The following FOXN3 variants were observed in gnomAD, a reference collection of about 807,000 sequenced individuals.
The protein encoded by FOXN3 is forkhead box protein N3.
In FOXN3, 7 loss-of-function variants were observed where a neutral mutation model predicts 38.4. That is an observed-to-expected ratio of 0.18 (90% CI 0.10 to 0.34). FOXN3 has a LOEUF of 0.34. Among genes scored for constraint, FOXN3 ranks in the 10% least tolerant of loss-of-function variants. FOXN3 has a pLI of 1.00. For synonymous variants in FOXN3, 230 were observed against 242.2 expected (o/e 0.95, Z 0.47); for missense variants, 456 against 613.4 (o/e 0.74, Z 2.71).
intron 1 of FOXN3, among the ~76,000 whole-genome samples, chr14:89,546,026 GT>G (rs374215603): frequency 2.4e-4 from 36 of 152,280 alleles, no homozygotes; most frequent in African/African-American, 8.7e-4. Context: ...AGATGATTTT[GT>G]TTTTCACTGG....
At position 89,394,220 on chromosome 14, in the gene FOXN3, T is replaced by C. The variant is rs535508140; in HGVS notation, c.543+17714A>G. 7.4e-5 allele frequency among the ~76,000 whole-genome samples: 11 copies of C among 148,348 alleles called. 2 individuals carry two copies. The South Asian group carries it at 2.4e-3, about 32-fold the overall frequency. ...CAATGGGGATCGACGTTCTTTTTTT[T>C]TTTTTTTTTTTTTTGAGATGGAGTT... On this transcript the variant is annotated intron_variant, in intron 2 of 5. Transcript: ENST00000557258.
intron 3 of FOXN3, among the ~76,000 whole-genome samples, chr14:89,348,201 A>G (rs1888826232): frequency 6.6e-6 from 1 of 151,972 alleles, no homozygotes; most frequent in Non-Finnish European, 1.5e-5. Flanking sequence ...ATGAAAGCCA[A>G]GCACTTCCCA....
intron 2 of FOXN3, among the ~76,000 whole-genome samples, chr14:89,371,992 C>A (rs925803609): frequency 1.3e-5 from 2 of 152,210 alleles, no homozygotes; most frequent in African/African-American, 4.8e-5. Context: ...GCTAGTTTCT[C>A]GCATCCCTGC....
chr14:89,515,431 T>C (rs948950425), intron 1 of FOXN3, among the ~76,000 whole-genome samples: 2 of 152,180 alleles, frequency 1.3e-5, no homozygotes, highest in Admixed American at 6.5e-5. Flanking sequence ...CCAGTCAGAA[T>C]GTATTCAAAT....
chr14:89,233,187 A>G (rs1278782651), intron 4 of FOXN3, among the ~76,000 whole-genome samples: 1 of 152,242 alleles, frequency 6.6e-6, no homozygotes, highest in Non-Finnish European at 1.5e-5. Context: ...TGTATATGCA[A>G]TGCTGCGACC....
intron 1 of FOXN3, among the ~76,000 whole-genome samples, chr14:89,554,791 T>C (rs1169208942): frequency 1.4e-5 from 2 of 144,790 alleles, no homozygotes; most frequent in Non-Finnish European, 3.0e-5. Context: ...TCTTTTTTTT[T>C]TTTTTTTTTT....
chr14:89,468,903 T>C (rs548412767), intron 1 of FOXN3, among the ~76,000 whole-genome samples: 4 of 152,188 alleles, frequency 2.6e-5, no homozygotes, highest in Non-Finnish European at 5.9e-5. Context: ...CTGTGCATCA[T>C]ACATTTTGAG....
intron 1 of FOXN3, among the ~76,000 whole-genome samples, chr14:89,604,261 GCGCACA>G (rs1440637184): frequency 2.7e-5 from 4 of 147,868 alleles, no homozygotes; most frequent in Non-Finnish European, 6.0e-5. Context: ...ACACACGCGC[GCGCACA>G]CACACAGAGA....
intron 4 of FOXN3, among the ~76,000 whole-genome samples, chr14:89,260,889 A>G (rs1279525444): frequency 1.3e-5 from 2 of 152,268 alleles, no homozygotes; most frequent in African/African-American, 2.4e-5. Flanking sequence ...TGTAACCAAT[A>G]TATTTTTATT....
At position 89,304,944 on chromosome 14, in the gene FOXN3, TAA is replaced by T. The variant is rs200830937; in HGVS notation, c.681-23932_681-23931del. ...AAATCTGGAATACAGTGTAGTTTCT[TAA>T]AAAAAAAAAAAAAAAAAGTACCAAC... On this transcript the variant is annotated intron_variant, in intron 3 of 5. Transcript: ENST00000557258. Among the ~76,000 whole-genome samples, 265 of 133,520 alleles carry T rather than the reference TAA, an allele frequency of 2.0e-3. 3 individuals carry two copies. In the East Asian group the frequency reaches 0.026, roughly 13 times the overall value. The allele number at this position is 133,520 out of a possible 152,430, so 87.6% of individuals were successfully genotyped here.
At chr14:89,295,762 A>ATTTTTTTTTTTTTTTTT (rs1032063820) in intron 3 of FOXN3, among the ~76,000 whole-genome samples, 11 of 123,222 alleles carry the variant, frequency 8.9e-5, no homozygotes, top group Non-Finnish European at 1.2e-4. Context: ...TAATTTTTGC[A>ATTTTTTTTTTTTTTTTT]TTTTTTTTTT....
chr14:89,428,445 C>T (rs931610994), intron 1 of FOXN3, among the ~76,000 whole-genome samples: 8 of 152,172 alleles, frequency 5.3e-5, no homozygotes, highest in Middle Eastern at 3.4e-3. Flanking sequence ...TTAAAAGGGT[C>T]GGGGCTGGAA....
intron 1 of FOXN3, among the ~76,000 whole-genome samples, chr14:89,507,692 C>A (rs1893974363): frequency 6.6e-6 from 1 of 151,938 alleles, no homozygotes; most frequent in Non-Finnish European, 1.5e-5. Flanking sequence ...CCACAGTAAT[C>A]TGTGAGTAAT....
intron 5 of FOXN3, among the ~76,000 whole-genome samples, chr14:89,179,812 TG>T (rs1436640876): frequency 6.6e-6 from 1 of 152,220 alleles, no homozygotes; most frequent in Non-Finnish European, 1.5e-5. Context: ...AAGGACGTGC[TG>T]CCTTACATAT....
chr14:89,517,502 G>T (rs1356630479), intron 1 of FOXN3, among the ~76,000 whole-genome samples: 1 of 152,138 alleles, frequency 6.6e-6, no homozygotes, highest in African/African-American at 2.4e-5. Context: ...CATGGCAGAA[G>T]CAAGAGGAAG....
At chr14:89,376,879 T>C (rs1890491362) in intron 2 of FOXN3, among the ~76,000 whole-genome samples, 1 of 151,506 alleles carries the variant, frequency 6.6e-6, no homozygotes, top group African/African-American at 2.4e-5. Flanking sequence ...GTGGGTATGG[T>C]GGCAGGCGCC....
rs1213903736 is a variant in FOXN3 at position 89,594,297 on chromosome 14, A to C, written c.-15+24731T>G. Reference sequence around the variant, plus strand: ...ATTAGGTAATGCTGATTAGTTTTCCAAAGTGGTTGTACCAATTTACACTCT... The same window carrying C: ...ATTAGGTAATGCTGATTAGTTTTCCCAAGTGGTTGTACCAATTTACACTCT... On this transcript the variant is annotated intron_variant, in intron 1 of 6. Coordinates refer to the FOXN3 transcript ENST00000345097. 2.0e-5 allele frequency among the ~76,000 whole-genome samples: 3 copies of C among 152,250 alleles called. No individual in the cohort carries two copies. In the East Asian group the frequency reaches 5.8e-4, roughly 29 times the overall value.
intron 3 of FOXN3, among the ~76,000 whole-genome samples, chr14:89,285,514 G>A (rs1285585118): frequency 7.2e-5 from 8 of 111,850 alleles, no homozygotes; most frequent in African/African-American, 1.8e-4. Flanking sequence ...GCAAGACTCC[G>A]TCTCAAAACA....
chr14:89,333,574 A>G (rs1329029347), intron 3 of FOXN3, among the ~76,000 whole-genome samples: 1 of 151,922 alleles, frequency 6.6e-6, no homozygotes, highest in Non-Finnish European at 1.5e-5. Flanking sequence ...AGCCTGGCCA[A>G]CATGGTGAAA....
Sources: allele counts gnomAD v4.1 joint callset (sites outside exome capture counted in the v4.1 genomes callset), GRCh38; gene constraint gnomAD v4.1.1; transcripts MANE v1.5; gene names NCBI Gene and HGNC (gene_info 2026-07-23, HGNC 2026-07-21).